Variants in RYR1 observed in about 807,000 individuals in gnomAD.
RYR1 encodes central core disease of muscle.
In RYR1, 342 loss-of-function variants were observed where a neutral mutation model predicts 583.5. The observed-to-expected ratio is 0.59, with a 90% confidence interval of 0.54 to 0.64. The LOEUF (loss-of-function observed/expected upper bound fraction) is 0.64. Among genes scored for constraint, RYR1 ranks in the 30% least tolerant of loss-of-function variants. The pLI is 0.00. For missense variants in RYR1, 6,032 were observed against 6,917.2 expected (o/e 0.87, Z 4.54); for synonymous variants, 2,791 against 2,822.5 (o/e 0.99, Z 0.35).
At chr19:38,506,765 C>T in intron 56 of RYR1, 64 bp from the exon 57 acceptor site, 1 of 1,611,708 alleles carries the variant, frequency 6.2e-7, no homozygotes, top group Non-Finnish European at 8.5e-7. Flanking sequence ...ACTGCAGGAA[C>T]CACTTCAGTG....
In RYR1 at chr19:38,519,371, G is replaced by A. The variant is rs1318647248; in HGVS notation, c.10176G>A (p.Leu3392=). The change falls in exon 67 of 106, where the codon CTG becomes CTA. Residue 3392 remains leucine (L), a synonymous_variant. Transcript: ENST00000359596. ...AGGCGGAGGCCCAGGAGGGCGAGCT[G>A]CTGGTGCGGGACGAGTTCTCTGTGC... ...EAKAEAQEGE[L]LVRDEFSVLC... 7 of 1,608,694 alleles carry A rather than the reference G, an allele frequency of 4.4e-6. No individual in the cohort carries two copies. Among genetic ancestry groups the A allele is most frequent in the Non-Finnish European group, 5.9e-6 (7 of 1,177,772 alleles).
intron 78 of RYR1, among the ~76,000 whole-genome samples, chr19:38,534,039 G>A (rs1971857093): frequency 7.3e-6 from 1 of 136,476 alleles, no homozygotes; most frequent in South Asian, 2.3e-4. Flanking sequence ...ACAGAGTCTC[G>A]CTGTGTCGCC....
rs562180068 is a variant in RYR1, at chr19:38,502,794, GGGGC to G, written c.7835+68_7835+71del. On this transcript the variant is annotated intron_variant, in intron 48 of 105. Coordinates refer to ENST00000359596, the MANE Select transcript of RYR1 (RefSeq NM_000540.3). ...AGGGGCAGGGGCAGGGGCAGGGGCA[GGGGC>G]AGGGGCAGGGGGAGGAGCAGGGGCA... The G allele has an allele frequency of 6.2e-4, 679 of 1,098,200 alleles. 16 individuals are homozygous for G. In the African/African-American group the frequency reaches 0.012, roughly 20 times the overall value. 68.0% of individuals were successfully genotyped at this position (1,098,200 alleles called of 1,614,324 possible). A position where few individuals can be genotyped will look rare whatever the true frequency, so the allele number is the denominator to read the frequency against.
intron 34 of RYR1, among the ~76,000 whole-genome samples, chr19:38,487,933 A>C (rs1456478317): frequency 6.6e-6 from 1 of 151,934 alleles, no homozygotes; most frequent in Non-Finnish European, 1.5e-5. Context: ...TGCTCAACCT[A>C]ATTTTGTTTT....
Position 38,532,528 on chromosome 19 carries a change from A to T in RYR1, c.11180A>T (p.Asp3727Val). ...DEDYLYMAYA[D>V]IMAKSCHLEE... is the part of the protein sequence containing the mutation. The stretch of plus-strand genomic sequence containing the variant: ...GATTACCTGTACATGGCCTATGCTG[A>T]TATCATGGCAAAGGTGAGGCCCTAC... The change falls in exon 77 of 106, where the codon GAT (aspartate) becomes GTT (valine). Residue 3727 changes from aspartate to valine, a missense_variant. Physicochemically the swap from Asp to Val is radical, Grantham distance 152. This residue lies in a region of RYR1 where 1,493 missense variants were observed against 1,715.5 expected (regional missense o/e 0.87). Transcript: ENST00000359596. The T allele has an allele frequency of 6.2e-7, 1 of 1,614,074 alleles. No individual in the cohort carries two copies. Among genetic ancestry groups the T allele is most frequent in the Non-Finnish European group, 8.5e-7 (1 of 1,180,022 alleles).
At position 38,459,980 on chromosome 19, in the gene RYR1, A is replaced by G. The variant is rs59047386; in HGVS notation, c.2361-395A>G. ...TCCGAATGTCCATTCAGTGGTGTTTATGTTTATTTCATAATTGTAACAGAT... is the reference window on the plus strand; with the variant it reads ...TCCGAATGTCCATTCAGTGGTGTTTGTGTTTATTTCATAATTGTAACAGAT... On this transcript the variant is annotated intron_variant, in intron 19 of 105. Transcript: ENST00000359596. Among the ~76,000 whole-genome samples the G allele has an allele frequency of 4.0e-3, 606 of 152,136 alleles. 3 individuals carry two copies. Among genetic ancestry groups the G allele is most frequent in the African/African-American group, 0.014 (584 of 41,502 alleles).
intron 84 of RYR1, chr19:38,538,763 TTTG>T (rs1420198956): frequency 2.0e-5 from 3 of 152,242 alleles, no homozygotes; most frequent in African/African-American, 7.2e-5. Flanking sequence ...AGAGTTTTGT[TTTG>T]TTGTGGTTCA....
At chr19:38,438,944 C>G (rs1972550003) in intron 1 of RYR1, among the ~76,000 whole-genome samples, 1 of 151,670 alleles carries the variant, frequency 6.6e-6, no homozygotes, top group African/African-American at 2.4e-5. Context: ...CTCCTGGGCT[C>G]AAGTAATCCT....
At chr19:38,553,718 C>T (rs1268816967) in intron 89 of RYR1, among the ~76,000 whole-genome samples, 3 of 152,282 alleles carry the variant, frequency 2.0e-5, no homozygotes, top group Middle Eastern at 3.4e-3. Context: ...TGCTCTTTTC[C>T]AATCCACTCT....
chr19:38,522,732 G>A (rs1000859069), intron 67 of RYR1, among the ~76,000 whole-genome samples: 11 of 151,910 alleles, frequency 7.2e-5, no homozygotes, highest in Non-Finnish European at 1.5e-4. Flanking sequence ...GGTGGATCAC[G>A]TAAGGTCAAG....
chr19:38,456,279 T>TA (rs987562347), intron 16 of RYR1, among the ~76,000 whole-genome samples: 6 of 145,242 alleles, frequency 4.1e-5, no homozygotes, highest in African/African-American at 1.5e-4. Context: ...CTGGCATTTT[T>TA]TTTTTTTTTT....
chr19:38,580,625 C>CGA, intron 101 of RYR1, 121 bp downstream of exon 101: 1 of 1,220,514 alleles, frequency 8.2e-7, no homozygotes, highest in Non-Finnish European at 1.2e-6. Flanking sequence ...GTCGGGAGGC[C>CGA]GAGGCGGGAC....
intron 91 of RYR1, among the ~76,000 whole-genome samples, chr19:38,566,655 G>C (rs944003565): frequency 6.6e-6 from 1 of 151,732 alleles, no homozygotes; most frequent in African/African-American, 2.4e-5. Flanking sequence ...GTGGTGGGAA[G>C]CCCTGGGGAC....
At position 38,587,309 on chromosome 19, in the gene RYR1, C is replaced by G. The variant is rs762722537; in HGVS notation, c.15022-16C>G. ...TGAAGATGTGACCAATGAACTCTTTCTATCCCCAATCCTAGGAGTCTTATG... is the reference window on the plus strand; with the variant it reads ...TGAAGATGTGACCAATGAACTCTTTGTATCCCCAATCCTAGGAGTCTTATG... On this transcript the variant is annotated splice_polypyrimidine_tract_variant and intron_variant, in intron 105 of 105. Transcript: ENST00000359596. 3 of 1,574,070 alleles carry G rather than the reference C, an allele frequency of 1.9e-6. No homozygotes were observed. The highest frequency in any genetic ancestry group is 4.5e-5 in the East Asian group (2 of 44,652).
intron 42 of RYR1, among the ~76,000 whole-genome samples, chr19:38,497,183 C>T (rs1001168785): frequency 1.3e-5 from 2 of 149,290 alleles, no homozygotes; most frequent in African/African-American, 2.5e-5. Flanking sequence ...CGTCTGGGGG[C>T]AGGTCCACAG....
At position 38,516,004 on chromosome 19, in the gene RYR1, A is replaced by G. The variant is rs201114834; in HGVS notation, c.9555-83A>G. ...CTCTGTCCCAAAGGGTTCTGGGAGG[A>G]GCCGTTTCTATGGAGATGGGGCTGG... is the stretch of plus-strand genomic sequence containing the variant. On this transcript the variant is annotated intron_variant, in intron 64 of 105. Transcript: ENST00000359596. The G allele has an allele frequency of 5.2e-5, 77 of 1,483,736 alleles. No individual in the cohort carries two copies. In the East Asian group the frequency reaches 1.8e-3, roughly 35 times the overall value. 91.9% of individuals were successfully genotyped at this position (1,483,736 alleles called of 1,614,324 possible). A position where few individuals can be genotyped will look rare whatever the true frequency, so the allele number is the denominator to read the frequency against.
rs551315806 is a variant in RYR1, at chr19:38,478,188, T to A, written c.4455-247T>A. 3.9e-5 allele frequency among the ~76,000 whole-genome samples: 6 copies of A among 152,078 alleles called. No individual in the cohort carries two copies. In the East Asian group the frequency reaches 9.7e-4, roughly 24 times the overall value. ...TCATCTCATTCTCTCTCCTCCTGCT[T>A]CCCTTGCTTTCCCTCCTTTCAGACC... On this transcript the variant is annotated intron_variant, in intron 30 of 105. Transcript: ENST00000359596.
rs115889101 is a variant in RYR1, at chr19:38,549,131, C to G, written c.12282+711C>G. ...ATGGGGGAGGCAGTCACTAACTAGA[C>G]CATTCCAAGTCTAAATAATGAGCCT... On this transcript the variant is annotated intron_variant, in intron 89 of 105. Transcript: ENST00000359596. Among the ~76,000 whole-genome samples, 447 of 152,178 alleles carry G rather than the reference C, an allele frequency of 2.9e-3. 1 individual carries two copies. Among genetic ancestry groups the G allele is most frequent in the African/African-American group, 0.01 (426 of 41,512 alleles).
In RYR1 at chr19:38,587,553, C is replaced by A; in HGVS notation, c.*133C>A. 2.6e-6 allele frequency: 2 copies of A among 776,370 alleles called. No homozygotes were observed. The highest frequency in any genetic ancestry group is 4.5e-6 in the Non-Finnish European group (2 of 447,386). 48.1% of individuals were successfully genotyped at this position (776,370 alleles called of 1,614,324 possible). A position where few individuals can be genotyped will look rare whatever the true frequency, so the allele number is the denominator to read the frequency against. ...AGTACTGGAAAATAAATCTGTGCTA[C>A]GCCCCCCAGCATCACTGTGTTGGCC... On this transcript the variant is annotated 3_prime_UTR_variant, in exon 106 of 106. Transcript: ENST00000359596.
Sources: gnomAD v4.1 joint callset for allele counts (sites outside exome capture counted in the v4.1 genomes callset) on GRCh38, gnomAD v4.1.1 for gene constraint, gnomAD v4.1.1 regional missense constraint, MANE v1.5 for transcripts, NCBI Gene and HGNC (gene_info 2026-07-23, HGNC 2026-07-21) for gene names.